MYO16: variants seen among roughly 807,000 people sequenced by gnomAD.
The protein encoded by MYO16 is unconventional myosin-XVI.
Under a neutral mutation model 205.3 loss-of-function variants are expected in MYO16, and 94 were observed. The ratio of observed to expected loss-of-function variants is 0.46; its 90% CI spans 0.39 to 0.54. The LOEUF (loss-of-function observed/expected upper bound fraction) is 0.54. Among genes scored for constraint, MYO16 ranks in the 20% least tolerant of loss-of-function variants. The pLI is 0.00. For missense variants in MYO16, 2,315 were observed against 2,387.5 expected, an observed-to-expected ratio of 0.97 and a Z score of 0.63; for synonymous variants, 988 against 954.0, an observed-to-expected ratio of 1.04 and a Z score of -0.66.
intron 4 of MYO16, among the ~76,000 whole-genome samples, chr13:108,734,494 C>T (rs903875024): frequency 2.0e-5 from 3 of 152,104 alleles, no homozygotes; most frequent in Non-Finnish European, 2.9e-5. Flanking sequence ...GCCATGGGCT[C>T]CCCACCTATG....
In MYO16 at chr13:109,029,112, C is replaced by CTTTTTT. The variant is rs200871485; in HGVS notation, c.2796+9215_2796+9220dup. ...TTTGCCTTTAAACATTTTTTCTTTT[C>CTTTTTT]TTTTTTTTTTTTTTTTTTTGAGATG... On this transcript the variant is annotated intron_variant, in intron 23 of 34. Coordinates refer to ENST00000457511, the MANE Select transcript of MYO16 (RefSeq NM_001198950.3). Among the ~76,000 whole-genome samples the CTTTTTT allele has an allele frequency of 7.7e-4, 76 of 98,380 alleles. 1 individual carries two copies. The highest frequency in any genetic ancestry group is 1.1e-3 in the Admixed American group (8 of 7,278). 64.5% of individuals were successfully genotyped at this position (98,380 alleles called of 152,430 possible).
chr13:109,189,918 G>A lies in MYO16; in HGVS notation c.5415+10285G>A, dbSNP rs1186502208. On this transcript the variant is annotated intron_variant, in intron 34 of 34. Coordinates refer to ENST00000457511, the MANE Select transcript of MYO16 (RefSeq NM_001198950.3). ...GATTCCCTACCACGATTTGTGTTTT[G>A]TTGTTGTTTTTTTTTCAACTTTCCC... is the stretch of plus-strand genomic sequence containing the variant. Among the ~76,000 whole-genome samples, 3 of 126,708 alleles carry A rather than the reference G, an allele frequency of 2.4e-5. No individual in the cohort carries two copies. The East Asian group carries it at 6.3e-4, about 27-fold the overall frequency. 83.1% of individuals were successfully genotyped at this position (126,708 alleles called of 152,430 possible).
At chr13:108,920,643 G>GA (rs1321744155) in intron 16 of MYO16, among the ~76,000 whole-genome samples, 3 of 152,092 alleles carry the variant, frequency 2.0e-5, no homozygotes, top group African/African-American at 7.2e-5. Flanking sequence ...ATTATTAGTA[G>GA]AGACGGGGTT....
the MYO16 span, among the ~76,000 whole-genome samples, chr13:108,559,936 T>TAC: frequency 6.6e-6 from 1 of 152,198 alleles, no homozygotes; most frequent in Non-Finnish European, 1.5e-5. Context: ...ATTACAGCAC[T>TAC]ATGACCAGAT....
intron 21 of MYO16, among the ~76,000 whole-genome samples, chr13:109,000,765 C>A (rs1002771722): frequency 4.0e-5 from 6 of 151,258 alleles, no homozygotes; most frequent in Non-Finnish European, 7.4e-5. Context: ...AGGTATCATA[C>A]AAAATACTAA....
chr13:109,012,028 C>A (rs1885619257), intron 22 of MYO16, among the ~76,000 whole-genome samples: 1 of 152,070 alleles, frequency 6.6e-6, no homozygotes, highest in African/African-American at 2.4e-5. Flanking sequence ...ATCAGAGTAT[C>A]TACACATTTA....
intron 27 of MYO16, among the ~76,000 whole-genome samples, chr13:109,088,793 G>A (rs1172108712): frequency 6.6e-6 from 1 of 152,224 alleles, no homozygotes; most frequent in Admixed American, 6.5e-5. Flanking sequence ...AGCACACAGA[G>A]GAGGAGAGGC....
intron 16 of MYO16, among the ~76,000 whole-genome samples, chr13:108,924,444 C>G (rs1437867047): frequency 2.0e-5 from 3 of 152,128 alleles, no homozygotes; most frequent in Non-Finnish European, 4.4e-5. Context: ...TAAGGTGCTC[C>G]AGGGAGCCAC....
chr13:108,813,568 C>T (rs1887360212), intron 7 of MYO16, among the ~76,000 whole-genome samples: 1 of 152,130 alleles, frequency 6.6e-6, no homozygotes, highest in South Asian at 2.1e-4. Flanking sequence ...AATTTAGCCA[C>T]ACTGAAATAC....
the MYO16 span, among the ~76,000 whole-genome samples, chr13:108,567,963 T>C: frequency 6.6e-6 from 1 of 152,346 alleles, no homozygotes; most frequent in African/African-American, 2.4e-5. Context: ...TATACATGTG[T>C]GTCCTTTTGT....
chr13:108,694,261 G>T (rs573891472), intron 2 of MYO16, among the ~76,000 whole-genome samples: 1 of 152,094 alleles, frequency 6.6e-6, no homozygotes, highest in Non-Finnish European at 1.5e-5. Context: ...GCATCTCATT[G>T]TTGACTGCCA....
At chr13:108,653,354 C>T (rs184597242) in intron 1 of MYO16, among the ~76,000 whole-genome samples, 40 of 152,196 alleles carry the variant, frequency 2.6e-4, no homozygotes, top group African/African-American at 8.7e-4. Flanking sequence ...CACTGTGATG[C>T]TTATGTACTT....
At chr13:108,737,704 C>A (rs1466449351) in intron 4 of MYO16, among the ~76,000 whole-genome samples, 1 of 152,068 alleles carries the variant, frequency 6.6e-6, no homozygotes, top group African/African-American at 2.4e-5. Context: ...TAGTTTCAGA[C>A]AGAATGGTAC....
chr13:109,127,631 CT>C lies in MYO16; in HGVS notation c.4051+82del. ...TCGCCTTGGGGCGCCCATGGCAGTA[CT>C]GTCGCCCTAATGTATTCTTAATAGA... On this transcript the variant is annotated intron_variant, in intron 31 of 34. Coordinates refer to ENST00000457511, the MANE Select transcript of MYO16 (RefSeq NM_001198950.3). This position sits in a 1 kb window ranked among gnomAD's most constrained non-coding sequence, Gnocchi z 4.2. 1.4e-6 allele frequency: 2 copies of C among 1,416,636 alleles called. No homozygotes were observed. Among genetic ancestry groups the C allele is most frequent in the Non-Finnish European group, 1.9e-6 (2 of 1,035,734 alleles). 87.8% of individuals were successfully genotyped at this position (1,416,636 alleles called of 1,614,324 possible). A position where few individuals can be genotyped will look rare whatever the true frequency, so the allele number is the denominator to read the frequency against.
chr13:108,634,767 T>C (rs918921679), intron 1 of MYO16, among the ~76,000 whole-genome samples: 1 of 152,234 alleles, frequency 6.6e-6, no homozygotes, highest in African/African-American at 2.4e-5. Context: ...CCTAATTCAC[T>C]AGCAGCTTTT....
intron 31 of MYO16, among the ~76,000 whole-genome samples, chr13:109,128,685 T>A (rs1174601244): frequency 6.6e-6 from 1 of 151,878 alleles, no homozygotes; most frequent in Non-Finnish European, 1.5e-5. Flanking sequence ...CATTGTGGAA[T>A]GGTTAAATCT....
the MYO16 span, among the ~76,000 whole-genome samples, chr13:108,582,666 G>C: frequency 6.6e-6 from 1 of 152,178 alleles, no homozygotes; most frequent in Non-Finnish European, 1.5e-5. Context: ...ATCTTGAGAA[G>C]ACTGGATATA....
chr13:109,096,380 C>A (rs1468647582), intron 27 of MYO16, among the ~76,000 whole-genome samples: 1 of 152,136 alleles, frequency 6.6e-6, no homozygotes, highest in African/African-American at 2.4e-5. Flanking sequence ...TTGGATTAGG[C>A]CCTACCCTAA....
At chr13:108,532,513 G>T in the MYO16 span, among the ~76,000 whole-genome samples, 101,203 of 151,166 alleles carry the variant, frequency 0.67, 35,984 homozygotes, top group East Asian at 0.83. Flanking sequence ...AACAAAAGAG[G>T]CTGGGTGTCA....
Sources: gnomAD v4.1 joint callset for allele counts (sites outside exome capture counted in the v4.1 genomes callset) on GRCh38, gnomAD v4.1.1 for gene constraint, Gnocchi (gnomAD v3.1) non-coding constraint, MANE v1.5 for transcripts, NCBI Gene and HGNC (gene_info 2026-07-23, HGNC 2026-07-21) for gene names.